The following NSRP1 variants were observed in gnomAD, a reference collection of about 807,000 sequenced individuals.
NSRP1 encodes coiled-coil domain containing 55.
A neutral mutation model predicts 54.7 loss-of-function variants in NSRP1; 24 were observed. The ratio of observed to expected loss-of-function variants is 0.44; its 90% CI spans 0.32 to 0.62. NSRP1 has a LOEUF of 0.62. NSRP1 is among the 20% of genes least tolerant of loss of function. The pLI, the probability that NSRP1 is intolerant of heterozygous loss-of-function variation, is 0.06. For missense variants in NSRP1, 596 were observed against 651.2 expected (o/e 0.92, Z 0.92); for synonymous variants, 210 against 213.8 (o/e 0.98, Z 0.15).
chr17:30,126,795 C>A (rs1026315754), intron 2 of NSRP1, among the ~76,000 whole-genome samples: 1 of 152,158 alleles, frequency 6.6e-6, no homozygotes, highest in African/African-American at 2.4e-5. Flanking sequence ...CGCCATGTTG[C>A]CCAGGCGGGT....
intron 3 of NSRP1, among the ~76,000 whole-genome samples, chr17:30,177,161 AG>A (rs1472503848): frequency 6.6e-6 from 1 of 152,056 alleles, no homozygotes; most frequent in East Asian, 1.9e-4. Flanking sequence ...ATTTGAGCCC[AG>A]GAGTTCAAGA....
chr17:30,136,106 G>A (rs550439946), intron 2 of NSRP1, among the ~76,000 whole-genome samples: 1 of 151,992 alleles, frequency 6.6e-6, no homozygotes, highest in Non-Finnish European at 1.5e-5. Context: ...CCAGCTACTC[G>A]GGAGGCTGAG....
intron 2 of NSRP1, chr17:30,144,162 C>T (rs974351125): frequency 6.6e-6 from 1 of 151,720 alleles, no homozygotes; most frequent in Non-Finnish European, 1.5e-5. Flanking sequence ...ATTCACAACC[C>T]GTTTATGCTT....
intron 3 of NSRP1, 62 bp downstream of exon 3, chr17:30,172,660 A>G: frequency 7.2e-7 from 1 of 1,387,126 alleles, no homozygotes; most frequent in South Asian, 1.3e-5. Context: ...TTTAAGCATC[A>G]GTTTTGGTAT....
chr17:30,182,048 C>CTT (rs10549815), intron 6 of NSRP1, among the ~76,000 whole-genome samples: 57 of 98,340 alleles, frequency 5.8e-4, no homozygotes, highest in East Asian at 1.6e-3. Flanking sequence ...CACCTGGCTG[C>CTT]TTTTTTTTTT....
chr17:30,178,122 T>C lies in NSRP1; in HGVS notation c.223T>C (p.Tyr75His), dbSNP rs781242765. ...TGCAGAAGATGCTACTGTGTATGAA[T>C]ATGACAGTATTTATGATGAAATGCA... Reference protein sequence around the residue: ...ALAEDATVYEYDSIYDEMQKK... With the variant: ...ALAEDATVYEHDSIYDEMQKK... Residue 75 changes from tyrosine (Y) to histidine (H), a missense_variant, in exon 4 of 7, where the codon TAT becomes CAT. Physicochemically the swap from Tyr to His is moderately conservative, Grantham distance 83. Coordinates refer to ENST00000247026, the MANE Select transcript of NSRP1 (RefSeq NM_032141.4). 6.2e-7 allele frequency: 1 copy of C among 1,610,186 alleles called. No homozygotes were observed. The highest frequency in any genetic ancestry group is 1.7e-5 in the Admixed American group (1 of 59,606).
At chr17:30,163,072 A>G (rs191673312) in intron 2 of NSRP1, 4 of 150,888 alleles carry the variant, frequency 2.7e-5, no homozygotes, top group Non-Finnish European at 5.9e-5. Context: ...TTTAGTAGAG[A>G]CGGGGCTTCA....
In NSRP1 at chr17:30,184,776, TAGA is replaced by T. The variant is rs1905451091; in HGVS notation, c.784_786del (p.Glu262del). 1.2e-6 allele frequency: 2 copies of T among 1,613,698 alleles called. No homozygotes were observed. The highest frequency in any genetic ancestry group is 1.7e-6 in the Non-Finnish European group (2 of 1,179,932). ...GCTAAGAGCAGTGCGGATGATGAAATAGAAGAAACTAGAGTGAACTGCAGAAGG... is the reference window on the plus strand; with the variant it reads ...GCTAAGAGCAGTGCGGATGATGAAATAGAAACTAGAGTGAACTGCAGAAGG... On this transcript the variant is annotated inframe_deletion, in exon 7 of 7. Transcript: ENST00000247026.
intron 2 of NSRP1, among the ~76,000 whole-genome samples, chr17:30,146,717 C>A (rs2071859118): frequency 6.6e-6 from 1 of 152,212 alleles, no homozygotes; most frequent in South Asian, 2.1e-4. Context: ...CTCACTGCCA[C>A]CTCTGCCTCC....
At chr17:30,171,701 G>T (rs1435397669) in intron 2 of NSRP1, among the ~76,000 whole-genome samples, 1 of 152,084 alleles carries the variant, frequency 6.6e-6, no homozygotes, top group African/African-American at 2.4e-5. Context: ...GACTGAGACT[G>T]TTCTTGCTTT....
chr17:30,144,803 C>CCT (rs2071838693), intron 2 of NSRP1: 1 of 152,194 alleles, frequency 6.6e-6, no homozygotes, highest in African/African-American at 2.4e-5. Flanking sequence ...GGCGCACACT[C>CCT]CTATCATCAG....
chr17:30,184,980 A>G lies in NSRP1; in HGVS notation c.983A>G (p.Gln328Arg), dbSNP rs777871847. Reference sequence around the variant, plus strand: ...CACCAGCAGAAGCAATCCAGAGACCAAGAGAACCATTACACTGACCGTGAT... The same window carrying G: ...CACCAGCAGAAGCAATCCAGAGACCGAGAGAACCATTACACTGACCGTGAT... ...DQHQQKQSRD[Q>R]ENHYTDRDYR... The change falls in exon 7 of 7, where the codon CAA (glutamine) becomes CGA (arginine). Residue 328 changes from glutamine to arginine, a missense_variant. Physicochemically the swap from Gln to Arg is conservative, Grantham distance 43 (BLOSUM62 1). Coordinates refer to ENST00000247026, the MANE Select transcript of NSRP1 (RefSeq NM_032141.4). The G allele has an allele frequency of 2.5e-6, 4 of 1,614,002 alleles. No individual in the cohort carries two copies. The highest frequency in any genetic ancestry group is 1.1e-5 in the South Asian group (1 of 91,088).
At chr17:30,148,206 A>G (rs372029630) in intron 2 of NSRP1, among the ~76,000 whole-genome samples, 77 of 152,330 alleles carry the variant, frequency 5.1e-4, no homozygotes, top group African/African-American at 1.7e-3. Context: ...GTTCATTAAT[A>G]TGGTTTATTA....
In NSRP1 at chr17:30,172,463, A is replaced by C. The variant is rs1447908124; in HGVS notation, c.115-79A>C. On this transcript the variant is annotated intron_variant, in intron 2 of 6. Coordinates refer to ENST00000247026, the MANE Select transcript of NSRP1 (RefSeq NM_032141.4). The stretch of plus-strand genomic sequence containing the variant: ...ATACAAAACACTTCTGGTCCCATGT[A>C]TTTTAGATAGGGGACGCTCGTACTG... 6.3e-6 allele frequency: 7 copies of C among 1,111,326 alleles called. No individual in the cohort carries two copies. In the South Asian group the frequency reaches 1.1e-4, roughly 17 times the overall value. 68.8% of individuals were successfully genotyped at this position (1,111,326 alleles called of 1,614,324 possible). A position where few individuals can be genotyped will look rare whatever the true frequency, so the allele number is the denominator to read the frequency against.
chr17:30,182,785 T>C (rs1350172711), intron 6 of NSRP1, among the ~76,000 whole-genome samples: 1 of 151,656 alleles, frequency 6.6e-6, no homozygotes, highest in Non-Finnish European at 1.5e-5. Context: ...ATACAAAAAA[T>C]TAGCCAGGCG....
intron 2 of NSRP1, among the ~76,000 whole-genome samples, chr17:30,143,322 TAAG>T (rs891614037): frequency 3.3e-5 from 5 of 152,204 alleles, no homozygotes; most frequent in Non-Finnish European, 2.9e-5. Context: ...ACTTTAAAGA[TAAG>T]AAGCAGCATT....
chr17:30,185,455 A>G lies in NSRP1; in HGVS notation c.1458A>G (p.Gln486=), dbSNP rs1357390516. ...RNMAKDKERN[Q]EKPSNSESSL... ...TGGCAAAGGACAAAGAAAGAAACCA[A>G]GAGAAACCCTCTAATTCTGAATCAT... The change falls in exon 7 of 7, where the codon CAA becomes CAG. Residue 486 remains glutamine, a synonymous_variant. Transcript: ENST00000247026. 1.2e-6 allele frequency: 2 copies of G among 1,609,416 alleles called. No individual in the cohort carries two copies. The highest frequency in any genetic ancestry group is 2.7e-5 in the African/African-American group (2 of 74,450).
chr17:30,127,679 G>T (rs2071662689), intron 2 of NSRP1, among the ~76,000 whole-genome samples: 4 of 152,178 alleles, frequency 2.6e-5, no homozygotes, highest in Admixed American at 2.6e-4. Context: ...CTCCCAAAGT[G>T]TCGGGATTAT....
chr17:30,117,766 T>G (rs572093253), intron 1 of NSRP1, among the ~76,000 whole-genome samples: 12 of 152,260 alleles, frequency 7.9e-5, no homozygotes, highest in East Asian at 5.8e-4. Context: ...CATGTTTTTT[T>G]TTTTTTTTTT....
Sources: allele counts gnomAD v4.1 joint callset (sites outside exome capture counted in the v4.1 genomes callset), GRCh38; gene constraint gnomAD v4.1.1; transcripts MANE v1.5; gene names NCBI Gene and HGNC (gene_info 2026-07-23, HGNC 2026-07-21).